The following SHLD1 variants were observed in gnomAD, a reference collection of about 807,000 sequenced individuals.
The protein encoded by SHLD1 is RINN1-REV7-interacting novel NHEJ regulator 3.
A neutral mutation model predicts 5.5 loss-of-function variants in SHLD1; 3 were observed. The ratio of observed to expected loss-of-function variants is 0.54; its 90% confidence interval spans 0.25 to 1.40. SHLD1 has a LOEUF of 1.40. Among genes scored for constraint, SHLD1 ranks in the 40% most tolerant of loss-of-function variants. The probability of loss-of-function intolerance (pLI) is 0.15; values close to 1 mark genes in which losing one functional copy is unlikely to be tolerated. For synonymous variants in SHLD1, 92 were observed against 94.3 expected (o/e 0.98, Z 0.14); for missense variants, 210 against 244.4 (o/e 0.86, Z 0.94).
chr20:5,824,528 A>C (rs531201413), intron 2 of SHLD1, among the ~76,000 whole-genome samples: 7 of 152,248 alleles, frequency 4.6e-5, no homozygotes, highest in African/African-American at 1.7e-4. Flanking sequence ...TAAGCCTGGC[A>C]TACAGTAGCT....
At chr20:5,812,969 G>A (rs984718670) in intron 2 of SHLD1, among the ~76,000 whole-genome samples, 5 of 151,992 alleles carry the variant, frequency 3.3e-5, no homozygotes, top group African/African-American at 1.2e-4. Context: ...CAACCTCCCA[G>A]GCTCAGGTGA....
chr20:5,854,574 T>A (rs2088056940), intron 2 of SHLD1, among the ~76,000 whole-genome samples: 1 of 152,188 alleles, frequency 6.6e-6, no homozygotes, highest in African/African-American at 2.4e-5. Flanking sequence ...GGACTTTAGA[T>A]ATTAGCTTTG....
intron 1 of SHLD1, chr20:5,756,968 A>T (rs995141267): frequency 6.5e-6 from 1 of 154,698 alleles, no homozygotes; most frequent in South Asian, 2.0e-4. Context: ...ATAAGAGTAG[A>T]CATCCTTATC....
intron 2 of SHLD1, chr20:5,773,272 G>C: frequency 1.5e-6 from 1 of 658,372 alleles, no homozygotes; most frequent in Non-Finnish European, 2.8e-6. Flanking sequence ...TGTTATTGTT[G>C]CTGTTAATCT....
chr20:5,757,688 C>T (rs1421366891), intron 1 of SHLD1, among the ~76,000 whole-genome samples: 4 of 152,102 alleles, frequency 2.6e-5, no homozygotes, highest in South Asian at 2.1e-4. Context: ...CTGCAACCTC[C>T]GCCTCCCAGG....
At chr20:5,817,416 CTCTCTCTCTCTCTCTCTGTGTG>C (rs1450678035) in intron 2 of SHLD1, among the ~76,000 whole-genome samples, 24 of 137,774 alleles carry the variant, frequency 1.7e-4, no homozygotes, top group African/African-American at 6.3e-4. Flanking sequence ...CTCTCTCTCT[CTCTCTCTCTCTCTCTCTGTGTG>C]TGTGTGTGTG....
At chr20:5,844,567 G>A (rs1012686348) in intron 2 of SHLD1, among the ~76,000 whole-genome samples, 1 of 152,050 alleles carries the variant, frequency 6.6e-6, no homozygotes, top group Non-Finnish European at 1.5e-5. Flanking sequence ...ACTTTGCAGA[G>A]GGTGCACCAG....
intron 2 of SHLD1, among the ~76,000 whole-genome samples, chr20:5,856,999 T>G (rs2088095465): frequency 6.6e-6 from 1 of 152,230 alleles, no homozygotes; most frequent in African/African-American, 2.4e-5. Flanking sequence ...TTTGTTTTGT[T>G]GAAACAGAGT....
At chr20:5,845,091 C>T (rs1017313821) in intron 2 of SHLD1, among the ~76,000 whole-genome samples, 2 of 152,026 alleles carry the variant, frequency 1.3e-5, no homozygotes, top group Admixed American at 1.3e-4. Flanking sequence ...AGCCACCGTG[C>T]CCAGCCAGAC....
intron 2 of SHLD1, among the ~76,000 whole-genome samples, chr20:5,850,746 G>A (rs886940904): frequency 1.3e-5 from 2 of 151,984 alleles, no homozygotes; most frequent in Admixed American, 6.6e-5. Context: ...TCCTGACCTC[G>A]CGATCTTCTT....
At chr20:5,755,474 A>G (rs1600083584) in intron 1 of SHLD1, among the ~76,000 whole-genome samples, 1 of 152,186 alleles carries the variant, frequency 6.6e-6, no homozygotes, top group East Asian at 1.9e-4. Context: ...CCCCCAGTCC[A>G]TGGAAAAATT....
chr20:5,750,784 T>C (rs75241505), intron 1 of SHLD1, among the ~76,000 whole-genome samples: 4,345 of 152,128 alleles, frequency 0.029, 220 homozygotes, highest in African/African-American at 0.098. Flanking sequence ...AAAAAACAGC[T>C]TTCTTGGGAA....
chr20:5,784,508 T>C (rs968585159), intron 2 of SHLD1, among the ~76,000 whole-genome samples: 3 of 152,174 alleles, frequency 2.0e-5, no homozygotes, highest in South Asian at 2.1e-4. Context: ...TGGAGTGCAG[T>C]GGCGCGATCT....
intron 2 of SHLD1, among the ~76,000 whole-genome samples, chr20:5,790,538 C>T (rs549988719): frequency 7.3e-5 from 11 of 150,736 alleles, no homozygotes; most frequent in East Asian, 3.9e-4. Flanking sequence ...CTGCAAACTC[C>T]GCCCCCTGGG....
chr20:5,852,011 A>C (rs1015277362), intron 2 of SHLD1, among the ~76,000 whole-genome samples: 1 of 150,654 alleles, frequency 6.6e-6, no homozygotes, highest in African/African-American at 2.4e-5. Context: ...CTCACACCCC[A>C]CTCTCTCTCT....
chr20:5,757,183 G>A (rs140618290), intron 1 of SHLD1, among the ~76,000 whole-genome samples: 1 of 145,154 alleles, frequency 6.9e-6, no homozygotes, highest in Non-Finnish European at 1.5e-5. Flanking sequence ...TGATTCTTCT[G>A]CCTTAGCAGG....
chr20:5,801,738 G>C (rs1453240387), intron 2 of SHLD1, among the ~76,000 whole-genome samples: 2 of 152,174 alleles, frequency 1.3e-5, no homozygotes, highest in Non-Finnish European at 2.9e-5. Flanking sequence ...ACAAAAGACA[G>C]AGTAATTTAT....
intron 2 of SHLD1, among the ~76,000 whole-genome samples, chr20:5,830,313 A>G (rs761528646): frequency 2.0e-4 from 31 of 152,232 alleles, no homozygotes; most frequent in Admixed American, 1.3e-4. Context: ...CTGTATGCAT[A>G]TAAGGTTGAG....
In SHLD1 at chr20:5,758,476, T is replaced by A. The variant is rs544820619; in HGVS notation, c.-5+7997T>A. The stretch of plus-strand genomic sequence containing the variant: ...CTCTGTTGTCCAGGCTGGAGTGCAA[T>A]GGCACGATCTCAGCTCACTGCAACC... On this transcript the variant is annotated intron_variant, in intron 1 of 2. Transcript: ENST00000303142. Among the ~76,000 whole-genome samples, 3 of 151,840 alleles carry A rather than the reference T, an allele frequency of 2.0e-5. No individual in the cohort carries two copies. In the South Asian group the frequency reaches 6.2e-4, roughly 32 times the overall value.
Sources: allele counts gnomAD v4.1 joint callset (sites outside exome capture counted in the v4.1 genomes callset), GRCh38; gene constraint gnomAD v4.1.1; transcripts MANE v1.5; gene names NCBI Gene and HGNC (gene_info 2026-07-23, HGNC 2026-07-21).